GRM7: variants seen among roughly 807,000 people sequenced by gnomAD.
GRM7 encodes glutamate metabotropic receptor 7.
Under a neutral mutation model 84.5 loss-of-function variants are expected in GRM7, and 35 were observed. The ratio of observed to expected loss-of-function variants is 0.41; its 90% confidence interval spans 0.32 to 0.55. The LOEUF is 0.55. Ranked by LOEUF, GRM7 falls within the 20% of genes least tolerant of loss-of-function variation. GRM7 has a pLI of 0.19. For missense variants in GRM7, 1,003 were observed against 1,194.6 expected (o/e 0.84, Z 2.36); for synonymous variants, 487 against 455.1 (o/e 1.07, Z -0.89).
intron 9 of GRM7, among the ~76,000 whole-genome samples, chr3:7,692,261 G>A (rs972627470): frequency 2.6e-5 from 4 of 152,112 alleles, no homozygotes; most frequent in Admixed American, 6.5e-5. Context: ...GATTAACTTC[G>A]ACAGGTAGCT....
intron 2 of GRM7, among the ~76,000 whole-genome samples, chr3:7,280,225 G>A (rs551011321): frequency 1.3e-5 from 2 of 152,284 alleles, no homozygotes; most frequent in South Asian, 4.1e-4. Flanking sequence ...GTAAAAGGTA[G>A]CATGTTGAGC....
rs142082361 is a variant in GRM7 at position 6,877,699 on chromosome 3, G to A, written c.519+15792G>A. Among the ~76,000 whole-genome samples the A allele has an allele frequency of 3.4e-4, 52 of 151,780 alleles. No individual in the cohort carries two copies. The East Asian group carries it at 8.9e-3, about 26-fold the overall frequency. ...AATGGTGTTCGTTTATAATTCATCG[G>A]GAAGAAAATAGGCCACTGGATATAA... On this transcript the variant is annotated intron_variant, in intron 1 of 9. Transcript: ENST00000357716.
intron 1 of GRM7, among the ~76,000 whole-genome samples, chr3:7,073,842 A>C (rs985008023): frequency 1.4e-5 from 2 of 147,586 alleles, no homozygotes; most frequent in Admixed American, 1.3e-4. Flanking sequence ...GAGTAGAGCT[A>C]CCTAAGTAAG....
chr3:6,985,996 T>G (rs934976734), intron 1 of GRM7, among the ~76,000 whole-genome samples: 1 of 152,172 alleles, frequency 6.6e-6, no homozygotes, highest in African/African-American at 2.4e-5. Context: ...CTCATTGTAG[T>G]TTTGATTTGC....
chr3:7,414,811 C>A (rs1233275225), intron 4 of GRM7, among the ~76,000 whole-genome samples: 1 of 151,912 alleles, frequency 6.6e-6, no homozygotes, highest in Admixed American at 6.6e-5. Context: ...ATGCTAGTAA[C>A]TACCTACCTG....
intron 1 of GRM7, among the ~76,000 whole-genome samples, chr3:6,889,957 T>G (rs1405795877): frequency 1.3e-5 from 2 of 152,224 alleles, no homozygotes; most frequent in East Asian, 3.8e-4. Flanking sequence ...TGGTTTAGTC[T>G]TGGGAGGGTG....
At chr3:6,965,708 T>A (rs1693488110) in intron 1 of GRM7, among the ~76,000 whole-genome samples, 1 of 152,158 alleles carries the variant, frequency 6.6e-6, no homozygotes, top group Non-Finnish European at 1.5e-5. Flanking sequence ...ACATTTATTT[T>A]AAAATTAAAA....
intron 1 of GRM7, among the ~76,000 whole-genome samples, chr3:7,057,544 T>C (rs1041034740): frequency 2.0e-5 from 3 of 151,966 alleles, no homozygotes; most frequent in Non-Finnish European, 4.4e-5. Context: ...ACAAATCAAA[T>C]GTTTTTTCTT....
chr3:7,383,185 G>A (rs1369676855), intron 4 of GRM7, among the ~76,000 whole-genome samples: 1 of 152,184 alleles, frequency 6.6e-6, no homozygotes, highest in Admixed American at 6.6e-5. Flanking sequence ...CATGGAAAAT[G>A]ATTTAAGATG....
At chr3:7,501,319 T>G (rs1699875767) in intron 7 of GRM7, among the ~76,000 whole-genome samples, 1 of 152,226 alleles carries the variant, frequency 6.6e-6, no homozygotes, top group East Asian at 1.9e-4. Context: ...ATATTCTTAT[T>G]AAGATCAGAA....
intron 4 of GRM7, among the ~76,000 whole-genome samples, chr3:7,311,950 C>T (rs972923158): frequency 1.3e-5 from 2 of 152,160 alleles, no homozygotes; most frequent in African/African-American, 4.8e-5. Flanking sequence ...GGTAGATTCA[C>T]ATACACTACT....
At chr3:7,651,354 A>G (rs111366302) in intron 8 of GRM7, among the ~76,000 whole-genome samples, 1 of 152,176 alleles carries the variant, frequency 6.6e-6, no homozygotes, top group Non-Finnish European at 1.5e-5. Flanking sequence ...TGAGTTGTCT[A>G]TGAACTGCCA....
chr3:7,148,726 C>T (rs945178212), intron 2 of GRM7, among the ~76,000 whole-genome samples: 1 of 152,078 alleles, frequency 6.6e-6, no homozygotes, highest in Non-Finnish European at 1.5e-5. Context: ...GATCTGAACT[C>T]CCCAGCTCAT....
chr3:7,661,910 C>A (rs1240720314), intron 8 of GRM7, among the ~76,000 whole-genome samples: 3 of 151,220 alleles, frequency 2.0e-5, no homozygotes, highest in Non-Finnish European at 4.4e-5. Context: ...CCATTCCTCT[C>A]CAAAGTATTT....
At chr3:6,912,060 A>G (rs1382927606) in intron 1 of GRM7, among the ~76,000 whole-genome samples, 1 of 152,174 alleles carries the variant, frequency 6.6e-6, no homozygotes, top group Non-Finnish European at 1.5e-5. Context: ...TCCAAAGAAC[A>G]CTAGTTTTAT....
At chr3:7,580,807 A>G (rs988280470) in intron 8 of GRM7, among the ~76,000 whole-genome samples, 14 of 152,138 alleles carry the variant, frequency 9.2e-5, no homozygotes, top group Admixed American at 9.2e-4. Flanking sequence ...ACCAACTTGA[A>G]TATCATTTTA....
chr3:7,651,430 T>C (rs577128544), intron 8 of GRM7, among the ~76,000 whole-genome samples: 2 of 152,364 alleles, frequency 1.3e-5, no homozygotes, highest in South Asian at 4.1e-4. Flanking sequence ...TGATTATTTA[T>C]AGGCTTCTTA....
At chr3:7,052,755 T>A (rs1031590806) in intron 1 of GRM7, among the ~76,000 whole-genome samples, 1 of 134,234 alleles carries the variant, frequency 7.4e-6, no homozygotes, top group African/African-American at 3.2e-5. Context: ...CAGGTAGTAT[T>A]TTTTTGTTTG....
intron 1 of GRM7, among the ~76,000 whole-genome samples, chr3:6,991,617 A>C (rs1395419907): frequency 6.6e-6 from 1 of 152,056 alleles, no homozygotes; most frequent in Non-Finnish European, 1.5e-5. Flanking sequence ...TGGAGTTTTA[A>C]ATTTTTTTCC....
Sources: allele counts gnomAD v4.1 joint callset (sites outside exome capture counted in the v4.1 genomes callset), GRCh38; gene constraint gnomAD v4.1.1; transcripts MANE v1.5; gene names NCBI Gene and HGNC (gene_info 2026-07-23, HGNC 2026-07-21).